Variants in RORA observed in about 807,000 individuals in gnomAD.
The protein encoded by RORA is RAR related orphan receptor A.
Under a neutral mutation model 69.5 loss-of-function variants are expected in RORA, and 7 were observed. The observed-to-expected ratio is 0.10, with a 90% CI of 0.06 to 0.19. The LOEUF is 0.19. Ranked by LOEUF, RORA falls within the 10% of genes least tolerant of loss-of-function variation. RORA has a pLI of 1.00. For missense variants in RORA, 457 were observed against 663.0 expected (o/e 0.69, Z 3.41); for synonymous variants, 261 against 240.8 (o/e 1.08, Z -0.78).
chr15:60,967,277 T>A (rs1010284957), intron 1 of RORA, among the ~76,000 whole-genome samples: 4 of 152,250 alleles, frequency 2.6e-5, no homozygotes. Flanking sequence ...TTTATATGCA[T>A]GTTTACAAAT....
At chr15:60,999,412 C>G (rs1220399945) in intron 1 of RORA, among the ~76,000 whole-genome samples, 1 of 152,184 alleles carries the variant, frequency 6.6e-6, no homozygotes, top group Non-Finnish European at 1.5e-5. Context: ...TGGCACAGAC[C>G]TGGAATCTGA....
At chr15:60,626,214 G>A (rs1484298318) in intron 2 of RORA, among the ~76,000 whole-genome samples, 1 of 152,184 alleles carries the variant, frequency 6.6e-6, no homozygotes, top group African/African-American at 2.4e-5. Flanking sequence ...AAGCCCACAA[G>A]CTGCACCAGT....
intron 1 of RORA, among the ~76,000 whole-genome samples, chr15:60,925,408 A>T (rs535209511): frequency 1.3e-4 from 20 of 152,280 alleles, no homozygotes; most frequent in African/African-American, 4.6e-4. Context: ...CAGCCAAGAG[A>T]TGTTGAGTTA....
intron 1 of RORA, among the ~76,000 whole-genome samples, chr15:60,738,973 C>T (rs951558742): frequency 5.3e-5 from 8 of 152,198 alleles, no homozygotes; most frequent in Non-Finnish European, 7.3e-5. Flanking sequence ...ATAAGGACAC[C>T]AGTCATGTCC....
intron 1 of RORA, among the ~76,000 whole-genome samples, chr15:61,151,179 T>C (rs545588402): frequency 1.3e-5 from 2 of 152,324 alleles, no homozygotes; most frequent in African/African-American, 4.8e-5. Context: ...GATGAAAGCT[T>C]TTTGTATTCT....
chr15:61,001,183 C>A (rs1894734067), intron 1 of RORA, among the ~76,000 whole-genome samples: 1 of 152,312 alleles, frequency 6.6e-6, no homozygotes, highest in East Asian at 1.9e-4. Context: ...TGTCCCTCAC[C>A]ACTGTGATAA....
chr15:60,705,259 C>T (rs1361598974), intron 1 of RORA, among the ~76,000 whole-genome samples: 1 of 152,072 alleles, frequency 6.6e-6, no homozygotes, highest in East Asian at 1.9e-4. Context: ...GTATTAAATG[C>T]CAAATAAGGA....
At chr15:60,946,625 C>G (rs1008852492) in intron 1 of RORA, among the ~76,000 whole-genome samples, 1 of 152,212 alleles carries the variant, frequency 6.6e-6, no homozygotes, top group Non-Finnish European at 1.5e-5. Context: ...CTACAACCTC[C>G]ACCTCCCAGC....
At chr15:60,757,981 C>G (rs2071826973) in intron 1 of RORA, among the ~76,000 whole-genome samples, 1 of 152,192 alleles carries the variant, frequency 6.6e-6, no homozygotes. Context: ...TCTCTGCTCT[C>G]TTTTCAGGAT....
At chr15:60,650,150 T>C (rs1041803673) in intron 2 of RORA, among the ~76,000 whole-genome samples, 4 of 151,730 alleles carry the variant, frequency 2.6e-5, no homozygotes, top group African/African-American at 9.7e-5. Context: ...ACATCGTTAC[T>C]GAGAAAAAGC....
At chr15:60,910,801 C>T (rs1891684703) in intron 1 of RORA, among the ~76,000 whole-genome samples, 1 of 151,660 alleles carries the variant, frequency 6.6e-6, no homozygotes, top group African/African-American at 2.4e-5. Context: ...CATCCCCACA[C>T]TGTCAGTCAT....
At chr15:60,955,944 G>C (rs1043894543) in intron 1 of RORA, among the ~76,000 whole-genome samples, 1 of 152,200 alleles carries the variant, frequency 6.6e-6, no homozygotes, top group Non-Finnish European at 1.5e-5. Flanking sequence ...CAAAGCTTTT[G>C]AGCAGGATGG....
At chr15:60,688,575 T>C (rs964730806) in intron 1 of RORA, among the ~76,000 whole-genome samples, 2 of 152,214 alleles carry the variant, frequency 1.3e-5, no homozygotes, top group African/African-American at 4.8e-5. Context: ...AATTGCATTA[T>C]CCTTTCTAGA....
intron 1 of RORA, among the ~76,000 whole-genome samples, chr15:60,720,911 A>C (rs1325785067): frequency 3.9e-5 from 6 of 152,136 alleles, no homozygotes; most frequent in Non-Finnish European, 8.8e-5. Context: ...AGCACAATGT[A>C]ACCAAAACCC....
Position 60,801,192 on chromosome 15 carries a change from G to C in RORA, c.167-122506C>G, listed in dbSNP as rs192491780. 4.1e-3 allele frequency among the ~76,000 whole-genome samples: 623 copies of C among 152,198 alleles called. 2 individuals carry two copies. Among genetic ancestry groups the C allele is most frequent in the Non-Finnish European group, 5.7e-3 (385 of 68,020 alleles). ...ATCACCTCACCACTAGGTAAAATTC[G>C]TGAAAACACCTGGTGAACTTGGGTG... On this transcript the variant is annotated intron_variant, in intron 1 of 10. Transcript: ENST00000335670.
chr15:61,025,733 G>T (rs576363596), intron 1 of RORA, among the ~76,000 whole-genome samples: 68 of 152,258 alleles, frequency 4.5e-4, no homozygotes, highest in African/African-American at 1.6e-3. Flanking sequence ...AATTAGTGCA[G>T]AAAAATTAAA....
At chr15:60,588,055 A>G (rs540584099) in intron 2 of RORA, among the ~76,000 whole-genome samples, 17 of 152,326 alleles carry the variant, frequency 1.1e-4, no homozygotes, top group Admixed American at 2.0e-4. Context: ...CTTCAGTAGA[A>G]TAGCTAGATG....
intron 1 of RORA, among the ~76,000 whole-genome samples, chr15:61,161,355 AT>A (rs2079494402): frequency 6.6e-6 from 1 of 152,176 alleles, no homozygotes; most frequent in South Asian, 2.1e-4. Flanking sequence ...AATCGGAAGA[AT>A]TTGCGTTTTG....
intron 2 of RORA, chr15:60,627,184 G>T: frequency 6.6e-7 from 1 of 1,513,552 alleles, no homozygotes; most frequent in South Asian, 1.1e-5. Context: ...GGGTGGTGGG[G>T]GGAGGGTACA....
Sources: gnomAD v4.1 joint callset for allele counts (sites outside exome capture counted in the v4.1 genomes callset) on GRCh38, gnomAD v4.1.1 for gene constraint, MANE v1.5 for transcripts, NCBI Gene and HGNC (gene_info 2026-07-23, HGNC 2026-07-21) for gene names.